The following KLK2 variants were observed in gnomAD, a reference collection of about 807,000 sequenced individuals.
KLK2 encodes the protein kallikrein-2.
In KLK2, 17 loss-of-function variants were observed where a neutral mutation model predicts 23.0. The ratio of observed to expected loss-of-function variants is 0.74; its 90% CI spans 0.51 to 1.11. The LOEUF (loss-of-function observed/expected upper bound fraction) is 1.11. Ranked by LOEUF, KLK2 falls within the 50% of genes least tolerant of loss-of-function variation. KLK2 has a pLI of 0.00. For missense variants in KLK2, 330 were observed against 325.9 expected (o/e 1.01, Z -0.10); for synonymous variants, 140 against 124.7 (o/e 1.12, Z -0.82).
In KLK2 at chr19:50,876,561, C is replaced by G. The variant is rs368210672; in HGVS notation, c.296C>G (p.Pro99Arg). 1 of 1,614,052 alleles carries G rather than the reference C, an allele frequency of 6.2e-7. No homozygotes were observed. The highest frequency in any genetic ancestry group is 2.2e-5 in the East Asian group (1 of 44,892). ...RVPVSHSFPH[P>R]LYNMSLLKHQ... ...CCTGTCAGCCACAGCTTCCCACACC[C>G]GCTCTACAATATGAGCCTTCTGAAG... is the stretch of plus-strand genomic sequence containing the variant. The change falls in exon 3 of 5, where the codon CCG becomes CGG. Residue 99 changes from proline to arginine, a missense_variant. Pro to Arg is a moderately radical substitution (Grantham distance 103, BLOSUM62 -2). Transcript: ENST00000325321.
intron 2 of KLK2, chr19:50,875,142 A>C: frequency 2.6e-6 from 1 of 388,744 alleles, no homozygotes. Context: ...TTTGGTCTCT[A>C]TGTCCCTCTC....
At chr19:50,874,936 G>A (rs777519818) in intron 2 of KLK2, 56 bp downstream of exon 2, 2 of 1,573,790 alleles carry the variant, frequency 1.3e-6, no homozygotes, top group Admixed American at 1.8e-5. Flanking sequence ...AGGAATAACA[G>A]CGGGATGCTT....
intron 2 of KLK2, chr19:50,875,140 C>G (rs1016424895): frequency 2.5e-6 from 1 of 400,926 alleles, no homozygotes; most frequent in Non-Finnish European, 4.1e-6. Flanking sequence ...GTTTTGGTCT[C>G]TATGTCCCTC....
Position 50,876,995 on chromosome 19 carries a change from A to G in KLK2, c.617A>G (p.Lys206Arg). The G allele has an allele frequency of 1.2e-6, 2 of 1,614,122 alleles. No homozygotes were observed. Among genetic ancestry groups the G allele is most frequent in the Non-Finnish European group, 1.7e-6 (2 of 1,180,002 alleles). The change falls in exon 4 of 5, where the codon AAA becomes AGA. Residue 206 changes from lysine (K) to arginine (R), a missense_variant. Coordinates refer to ENST00000325321, the MANE Select transcript of KLK2 (RefSeq NM_005551.5). ...TGTGCTGGGCTCTGGACAGGTGGTA[A>G]AGACACTTGTGGGGTGAGTCATCCC... ...MLCAGLWTGG[K>R]DTCGGDSGGP...
At chr19:50,874,640 C>G in intron 1 of KLK2, 81 bp from the exon 2 acceptor site, 1 of 1,269,110 alleles carries the variant, frequency 7.9e-7, no homozygotes, top group Non-Finnish European at 1.1e-6. Context: ...GCCCCCATGT[C>G]TCTTCAAACC....
chr19:50,873,587 C>A, intron 1 of KLK2, 68 bp downstream of exon 1: 1 of 1,122,934 alleles, frequency 8.9e-7, no homozygotes. Flanking sequence ...TTTCCTCCCA[C>A]CCAGTGCCCC....
rs143825608 is a variant in KLK2, at chr19:50,879,626, C to T, written c.*1067C>T. 9 of 230,440 alleles carry T rather than the reference C, an allele frequency of 3.9e-5. No homozygotes were observed. The highest frequency in any genetic ancestry group is 3.7e-4 in the East Asian group (6 of 16,182). 14.3% of individuals were successfully genotyped at this position (230,440 alleles called of 1,614,324 possible). ...GGGTTTTTACTGGGGGTCTGTAGGA[C>T]GAGTATGGAGTACTTGAATAATTGA... On this transcript the variant is annotated 3_prime_UTR_variant, in exon 5 of 5. Transcript: ENST00000325321.
In KLK2 at chr19:50,874,815, G is replaced by C. The variant is rs757391400; in HGVS notation, c.141G>C (p.Trp47Cys). The C allele has an allele frequency of 7.4e-6, 12 of 1,613,610 alleles. No homozygotes were observed. In the African/African-American group the frequency reaches 1.6e-4, roughly 22 times the overall value. Residue 47 changes from tryptophan to cysteine, a missense_variant, in exon 2 of 5, where the codon TGG becomes TGC. Physicochemically the swap from Trp to Cys is radical, Grantham distance 215. Coordinates refer to ENST00000325321, the MANE Select transcript of KLK2 (RefSeq NM_005551.5). ...AGGTGGCTGTGTACAGTCATGGATG[G>C]GCACACTGTGGGGGTGTCCTGGTGC... is the stretch of plus-strand genomic sequence containing the variant. Reference protein sequence around the residue: ...PWQVAVYSHGWAHCGGVLVHP... With the variant: ...PWQVAVYSHGCAHCGGVLVHP...
intron 1 of KLK2, 69 bp downstream of exon 1, chr19:50,873,588 C>A: frequency 1.8e-6 from 2 of 1,123,392 alleles, no homozygotes; most frequent in Non-Finnish European, 2.6e-6. Context: ...TTCCTCCCAC[C>A]CAGTGCCCCA....
chr19:50,876,435 T>C, intron 2 of KLK2, 37 bp from the exon 3 acceptor site: 1 of 1,602,436 alleles, frequency 6.2e-7, no homozygotes, highest in South Asian at 1.1e-5. Context: ...TTTCCCCATT[T>C]TCTCTCTCCT....
In KLK2 at chr19:50,879,918, A is replaced by G. The variant is rs1456398467; in HGVS notation, c.*1359A>G. ...TGCAGGGCTGCTGAGTCAACCTTTT[A>G]TTGTACAGGGGATGAGGGAAAGGGA... On this transcript the variant is annotated 3_prime_UTR_variant, in exon 5 of 5. Transcript: ENST00000325321. 2 of 229,110 alleles carry G rather than the reference A, an allele frequency of 8.7e-6. No homozygotes were observed. Among genetic ancestry groups the G allele is most frequent in the African/African-American group, 4.4e-5 (2 of 45,046 alleles). 14.2% of individuals were successfully genotyped at this position (229,110 alleles called of 1,614,324 possible). A position where few individuals can be genotyped will look rare whatever the true frequency, so the allele number is the denominator to read the frequency against.
intron 1 of KLK2, chr19:50,873,772 C>T (rs1316891129): frequency 3.8e-6 from 2 of 531,178 alleles, no homozygotes; most frequent in Non-Finnish European, 6.6e-6. Context: ...GAGCAAGTTC[C>T]TGGGCATCTC....
rs1289824741 is a variant in KLK2 at position 50,878,511 on chromosome 19, G to A, written c.738G>A (p.Val246=). 6.2e-7 allele frequency: 1 copy of A among 1,614,016 alleles called. No individual in the cohort carries two copies. Among genetic ancestry groups the A allele is most frequent in the Non-Finnish European group, 8.5e-7 (1 of 1,179,956 alleles). ...LPEKPAVYTK[V]VHYRKWIKDT... ...AAAAGCCTGCTGTGTACACCAAGGT[G>A]GTGCATTACCGGAAGTGGATCAAGG... The change falls in exon 5 of 5, where the codon GTG becomes GTA. Residue 246 remains valine, a synonymous_variant. Coordinates refer to ENST00000325321, the MANE Select transcript of KLK2 (RefSeq NM_005551.5).
Position 50,873,523 on chromosome 19 carries a change from A to G in KLK2, c.46+4A>G, listed in dbSNP as rs1432829926. On this transcript the variant is annotated splice_donor_region_variant and intron_variant, in intron 1 of 4. Transcript: ENST00000325321. ...GCCTTGTCTGTGGGGTGCACTGGTG[A>G]GATTGGGGGGATAAAGGAAGGGGGG... 1.4e-5 allele frequency: 21 copies of G among 1,510,516 alleles called. No homozygotes were observed. The highest frequency in any genetic ancestry group is 2.8e-5 in the African/African-American group (2 of 72,414). The allele number at this position is 1,510,516 out of a possible 1,614,324, so 93.6% of individuals were successfully genotyped here.
Position 50,878,671 on chromosome 19 carries a change from G to T in KLK2, c.*112G>T. ...GAAGCTTGGAACTCACCTGGCCGAA[G>T]CTCGAGCCTCCTGAGTCCTACTGAC... On this transcript the variant is annotated 3_prime_UTR_variant, in exon 5 of 5. Coordinates refer to ENST00000325321, the MANE Select transcript of KLK2 (RefSeq NM_005551.5). 1.8e-6 allele frequency: 2 copies of T among 1,086,270 alleles called. No homozygotes were observed. The highest frequency in any genetic ancestry group is 2.7e-6 in the Non-Finnish European group (2 of 731,824). 67.3% of individuals were successfully genotyped at this position (1,086,270 alleles called of 1,614,324 possible).
chr19:50,879,131 A>G lies in KLK2; in HGVS notation c.*572A>G, dbSNP rs2090318609. 1 of 233,046 alleles carries G rather than the reference A, an allele frequency of 4.3e-6. No individual in the cohort carries two copies. Among genetic ancestry groups the G allele is most frequent in the African/African-American group, 2.2e-5 (1 of 45,334 alleles). The allele number at this position is 233,046 out of a possible 1,614,324, so 14.4% of individuals were successfully genotyped here. On this transcript the variant is annotated 3_prime_UTR_variant, in exon 5 of 5. Transcript: ENST00000325321. ...GGAGGGACTAGGGGGAGAAACTGAA[A>G]GCTGATTAATTACAGGAGGTTTGTT...
chr19:50,879,871 G>A lies in KLK2; in HGVS notation c.*1312G>A. 1 of 229,788 alleles carries A rather than the reference G, an allele frequency of 4.4e-6. No homozygotes were observed. Among genetic ancestry groups the A allele is most frequent in the East Asian group, 6.2e-5 (1 of 16,196 alleles). The allele number at this position is 229,788 out of a possible 1,614,324, so 14.2% of individuals were successfully genotyped here. A position where few individuals can be genotyped will look rare whatever the true frequency, so the allele number is the denominator to read the frequency against. On this transcript the variant is annotated 3_prime_UTR_variant, in exon 5 of 5. Coordinates refer to ENST00000325321, the MANE Select transcript of KLK2 (RefSeq NM_005551.5). ...TTATTCAAGGGTGAGCCCTTTACTTGGGATGTACAGGCTTTGAGCAGTGCA... is the reference window on the plus strand; with the variant it reads ...TTATTCAAGGGTGAGCCCTTTACTTAGGATGTACAGGCTTTGAGCAGTGCA...
chr19:50,878,298 G>C, intron 4 of KLK2, 106 bp from the exon 5 acceptor site: 1 of 1,077,900 alleles, frequency 9.3e-7, no homozygotes, highest in Non-Finnish European at 1.4e-6. Flanking sequence ...CCTGAGAGCT[G>C]GGAATTGCTC....
intron 4 of KLK2, chr19:50,877,226 G>A (rs1754091679): frequency 1.6e-6 from 1 of 620,342 alleles, no homozygotes; most frequent in Non-Finnish European, 2.8e-6. Context: ...TTCCTGTGTT[G>A]AGCACATGCT....
Sources: allele counts gnomAD v4.1 joint callset, GRCh38; gene constraint gnomAD v4.1.1; transcripts MANE v1.5; gene names NCBI Gene and HGNC (gene_info 2026-07-23, HGNC 2026-07-21).